Variants in FOXP2 observed in about 807,000 individuals in gnomAD.
FOXP2 encodes forkhead box protein P2.
A neutral mutation model predicts 115.8 loss-of-function variants in FOXP2; 12 were observed. The observed-to-expected ratio is 0.10, with a 90% CI of 0.07 to 0.17. The LOEUF is 0.17. Among genes scored for constraint, FOXP2 ranks in the 10% least tolerant of loss-of-function variants. The probability of loss-of-function intolerance (pLI) is 1.00; values close to 1 mark genes in which losing one functional copy is unlikely to be tolerated. For missense variants in FOXP2, 629 were observed against 843.5 expected, an observed-to-expected ratio of 0.75 and a Z score of 3.15; for synonymous variants, 328 against 297.7, an observed-to-expected ratio of 1.10 and a Z score of -1.05.
chr7:114,661,011 C>G (rs1322924165), intron 13 of FOXP2, among the ~76,000 whole-genome samples: 1 of 149,134 alleles, frequency 6.7e-6, no homozygotes, highest in African/African-American at 2.5e-5. Flanking sequence ...TAAGATCAAT[C>G]AAATCCTTGG....
chr7:114,441,050 A>G (rs1794577829), intron 2 of FOXP2, among the ~76,000 whole-genome samples: 1 of 152,194 alleles, frequency 6.6e-6, no homozygotes, highest in African/African-American at 2.4e-5. Flanking sequence ...TATCATATAT[A>G]ATTTTATTGA....
chr7:114,542,681 A>T (rs1427235386), intron 3 of FOXP2, among the ~76,000 whole-genome samples: 1 of 152,234 alleles, frequency 6.6e-6, no homozygotes, highest in Admixed American at 6.5e-5. Context: ...TTCTAAGAAC[A>T]TCTAAGATTG....
At chr7:114,292,718 G>A (rs910656596) in intron 2 of FOXP2, among the ~76,000 whole-genome samples, 2 of 151,934 alleles carry the variant, frequency 1.3e-5, no homozygotes, top group African/African-American at 2.4e-5. Flanking sequence ...ATAGTCAATC[G>A]GATGTTGCAA....
chr7:114,553,532 T>A (rs1312187926), intron 3 of FOXP2, among the ~76,000 whole-genome samples: 4 of 152,132 alleles, frequency 2.6e-5, no homozygotes, highest in Non-Finnish European at 5.9e-5. Flanking sequence ...ATAAATAACA[T>A]CTTTAGAAAT....
intron 2 of FOXP2, among the ~76,000 whole-genome samples, chr7:114,371,987 A>T (rs1584673592): frequency 6.6e-6 from 1 of 152,240 alleles, no homozygotes; most frequent in South Asian, 2.1e-4. Context: ...TTAAAAGAAT[A>T]TAACAGTATT....
At chr7:114,355,658 C>G (rs1249894887) in intron 2 of FOXP2, among the ~76,000 whole-genome samples, 1 of 152,080 alleles carries the variant, frequency 6.6e-6, no homozygotes, top group Non-Finnish European at 1.5e-5. Context: ...AAAAAAACAA[C>G]TAACCTTTGA....
chr7:114,593,746 T>C lies in FOXP2; in HGVS notation c.259-34794T>C, dbSNP rs1218989914. Reference sequence around the variant, plus strand: ...CACTATTACATACTATAGCACCATATTTAATTACCAGAAATTTTATAAGAA... The same window carrying C: ...CACTATTACATACTATAGCACCATACTTAATTACCAGAAATTTTATAAGAA... On this transcript the variant is annotated intron_variant, in intron 3 of 16. Transcript: ENST00000350908. Among the ~76,000 whole-genome samples the C allele has an allele frequency of 2.0e-5, 3 of 152,032 alleles. No individual in the cohort carries two copies. The East Asian group carries it at 5.8e-4, about 29-fold the overall frequency.
At chr7:114,647,560 G>T (rs1355719343) in intron 8 of FOXP2, among the ~76,000 whole-genome samples, 1 of 151,862 alleles carries the variant, frequency 6.6e-6, no homozygotes, top group African/African-American at 2.4e-5. Flanking sequence ...GGGAGTCCAG[G>T]ATAAAAAAGT....
chr7:114,474,615 A>G (rs571500405), intron 2 of FOXP2, among the ~76,000 whole-genome samples: 1 of 152,294 alleles, frequency 6.6e-6, no homozygotes, highest in East Asian at 1.9e-4. Flanking sequence ...GATCAGTAAC[A>G]AAACATAAGA....
In FOXP2 at chr7:114,645,929, G is replaced by C. The variant is rs1397392086; in HGVS notation, c.1094+1140G>C. The C allele has an allele frequency of 2.0e-5, 3 of 151,336 alleles. No individual in the cohort carries two copies. In the East Asian group the frequency reaches 5.8e-4, roughly 29 times the overall value. 9.4% of individuals were successfully genotyped at this position (151,336 alleles called of 1,614,324 possible). A position where few individuals can be genotyped will look rare whatever the true frequency, so the allele number is the denominator to read the frequency against. On this transcript the variant is annotated intron_variant, in intron 8 of 16. Transcript: ENST00000350908. ...ATACCACTATGGCTCTTTGTAAATG[G>C]CCTTAAATGAAAATTTACACTTTTC... is the stretch of plus-strand genomic sequence containing the variant.
chr7:114,204,100 C>A (rs1196872270), intron 1 of FOXP2, among the ~76,000 whole-genome samples: 1 of 151,952 alleles, frequency 6.6e-6, no homozygotes, highest in Non-Finnish European at 1.5e-5. Context: ...TATTTGTTTA[C>A]CTTTTCCTGT....
chr7:114,394,005 TGA>T (rs57281183), intron 2 of FOXP2, among the ~76,000 whole-genome samples: 94 of 91,566 alleles, frequency 1.0e-3, no homozygotes, highest in Middle Eastern at 6.6e-3. Context: ...TGTGTGTGTG[TGA>T]GAGAGAGAGA....
intron 1 of FOXP2, among the ~76,000 whole-genome samples, chr7:114,190,891 AG>A (rs1458897663): frequency 4.6e-5 from 7 of 152,238 alleles, no homozygotes; most frequent in Non-Finnish European, 1.0e-4. Context: ...AGGGAGGAGG[AG>A]GTATCTGGTT....
At chr7:114,365,514 A>G (rs1791855591) in intron 2 of FOXP2, among the ~76,000 whole-genome samples, 1 of 152,080 alleles carries the variant, frequency 6.6e-6, no homozygotes, top group Non-Finnish European at 1.5e-5. Context: ...GGAATATATA[A>G]TTATCTGGGC....
At chr7:114,107,243 T>G (rs1791140204) in intron 1 of FOXP2, among the ~76,000 whole-genome samples, 1 of 151,980 alleles carries the variant, frequency 6.6e-6, no homozygotes, top group East Asian at 1.9e-4. Flanking sequence ...GCTTTCTGTT[T>G]TTATAAACAA....
chr7:114,603,204 A>G (rs986266071), intron 3 of FOXP2, among the ~76,000 whole-genome samples: 7 of 152,196 alleles, frequency 4.6e-5, no homozygotes, highest in Admixed American at 2.6e-4. Flanking sequence ...GTGCAAAGAC[A>G]TCAGAGTTGT....
intron 1 of FOXP2, among the ~76,000 whole-genome samples, chr7:114,197,892 T>A (rs1349044980): frequency 6.6e-6 from 1 of 151,154 alleles, no homozygotes; most frequent in Non-Finnish European, 1.5e-5. Flanking sequence ...TTAGACAGGG[T>A]CTCACTCTGT....
intron 7 of FOXP2, among the ~76,000 whole-genome samples, 172 bp downstream of exon 7, chr7:114,642,795 TATATATATATATA>T (rs1563054383): frequency 6.2e-4 from 24 of 38,584 alleles, no homozygotes; most frequent in Admixed American, 2.8e-3. Flanking sequence ...TATATATATA[TATATATATATATA>T]TATATTTTTT....
At chr7:114,155,945 C>G (rs972716234) in intron 1 of FOXP2, among the ~76,000 whole-genome samples, 6 of 152,062 alleles carry the variant, frequency 3.9e-5, no homozygotes, top group Non-Finnish European at 7.4e-5. Flanking sequence ...TTGGGGTGCA[C>G]TGTCTGTATG....
Sources: allele counts gnomAD v4.1 joint callset (sites outside exome capture counted in the v4.1 genomes callset), GRCh38; gene constraint gnomAD v4.1.1; transcripts MANE v1.5; gene names NCBI Gene and HGNC (gene_info 2026-07-23, HGNC 2026-07-21).